Variants in ELOVL6 observed in about 807,000 individuals in gnomAD.
ELOVL6 encodes very long chain fatty acid elongase 6.
In ELOVL6, 8 loss-of-function variants were observed where a neutral mutation model predicts 31.7. The observed-to-expected ratio is 0.25, with a 90% CI of 0.15 to 0.45. The LOEUF (loss-of-function observed/expected upper bound fraction) is 0.45. Among genes scored for constraint, ELOVL6 ranks in the 20% least tolerant of loss-of-function variants. The pLI, the probability that ELOVL6 is intolerant of heterozygous loss-of-function variation, is 1.00. For missense variants in ELOVL6, 126 were observed against 326.4 expected (o/e 0.39, Z 4.73); for synonymous variants, 101 against 117.7 (o/e 0.86, Z 0.92).
chr4:110,069,823 A>G (rs1278016436), intron 2 of ELOVL6, among the ~76,000 whole-genome samples: 1 of 152,132 alleles, frequency 6.6e-6, no homozygotes, highest in African/African-American at 2.4e-5. Context: ...ATCTCATAAC[A>G]ACTGGCTCAG....
intron 1 of ELOVL6, among the ~76,000 whole-genome samples, chr4:110,166,779 C>T (rs966339644): frequency 6.6e-5 from 10 of 152,140 alleles, no homozygotes; most frequent in African/African-American, 2.4e-4. Flanking sequence ...TTTTCATCAA[C>T]CCAACTATTA....
intron 2 of ELOVL6, among the ~76,000 whole-genome samples, chr4:110,084,588 A>ATATATTTT (rs1553956261): frequency 2.7e-4 from 8 of 29,652 alleles, no homozygotes; most frequent in African/African-American, 1.5e-3. Flanking sequence ...ATATATATAT[A>ATATATTTT]TTTTTTTTTT....
chr4:110,136,227 C>T (rs138066093), intron 1 of ELOVL6, among the ~76,000 whole-genome samples: 59 of 152,220 alleles, frequency 3.9e-4, no homozygotes, highest in African/African-American at 1.3e-3. Context: ...GCCCTTGAGT[C>T]GGAAAACACC....
At chr4:110,143,188 G>A (rs6836907) in intron 1 of ELOVL6, among the ~76,000 whole-genome samples, 122,559 of 152,072 alleles carry the variant, frequency 0.81, 49,634 homozygotes, top group African/African-American at 0.88. Flanking sequence ...CTCATTTGAC[G>A]TTGCTAGTAG....
intron 1 of ELOVL6, among the ~76,000 whole-genome samples, chr4:110,116,177 C>T (rs548709790): frequency 4.1e-4 from 63 of 152,308 alleles, no homozygotes; most frequent in African/African-American, 1.2e-3. Context: ...TAATTGCATC[C>T]GCAACATGTC....
rs1240026286 is a variant in ELOVL6, at chr4:110,121,630, C to T, written c.90-16002G>A. Among the ~76,000 whole-genome samples the T allele has an allele frequency of 4.6e-5, 7 of 152,180 alleles. No individual in the cohort carries two copies. In the East Asian group the frequency reaches 9.7e-4, roughly 21 times the overall value. ...AGGAGAATGGCGTGAACCCAGGAGG[C>T]GGAGGTTGCAGTGAGCCGAGATTGC... On this transcript the variant is annotated intron_variant, in intron 1 of 3. Transcript: ENST00000302274.
intron 2 of ELOVL6, among the ~76,000 whole-genome samples, chr4:110,068,278 T>A (rs764200910): frequency 6.6e-6 from 1 of 152,346 alleles, no homozygotes; most frequent in East Asian, 1.9e-4. Flanking sequence ...TAGTATCATA[T>A]GATGATAATC....
chr4:110,086,502 A>C (rs1756267893), intron 2 of ELOVL6, among the ~76,000 whole-genome samples: 1 of 152,222 alleles, frequency 6.6e-6, no homozygotes, highest in Non-Finnish European at 1.5e-5. Context: ...TAATATTGCC[A>C]CATGAGAGTA....
At chr4:110,178,186 T>C (rs1759166811) in intron 1 of ELOVL6, among the ~76,000 whole-genome samples, 1 of 152,186 alleles carries the variant, frequency 6.6e-6, no homozygotes, top group Admixed American at 6.5e-5. Flanking sequence ...GAAATATCCA[T>C]TCTATATATT....
At chr4:110,083,864 G>A (rs983529296) in intron 2 of ELOVL6, among the ~76,000 whole-genome samples, 1 of 140,840 alleles carries the variant, frequency 7.1e-6, no homozygotes, top group Non-Finnish European at 1.6e-5. Context: ...TCCCTGAGAT[G>A]CTGTGATGGA....
chr4:110,189,480 A>G (rs1364586045), intron 1 of ELOVL6, among the ~76,000 whole-genome samples: 1 of 151,204 alleles, frequency 6.6e-6, no homozygotes, highest in Non-Finnish European at 1.5e-5. Context: ...CCAGCTACTC[A>G]GAAGGCTGAG....
chr4:110,084,559 CACAGAT>C (rs1460800380), intron 2 of ELOVL6, among the ~76,000 whole-genome samples: 1 of 56,628 alleles, frequency 1.8e-5, no homozygotes, highest in South Asian at 6.1e-4. Context: ...CACACACACA[CACAGAT>C]ATATATATAT....
chr4:110,073,706 T>A (rs1015834911), intron 2 of ELOVL6, among the ~76,000 whole-genome samples: 1 of 152,180 alleles, frequency 6.6e-6, no homozygotes. Flanking sequence ...CCGCTGCCCC[T>A]GACCTCACAG....
chr4:110,137,093 A>G (rs1033824973), intron 1 of ELOVL6, among the ~76,000 whole-genome samples: 1 of 152,214 alleles, frequency 6.6e-6, no homozygotes, highest in Non-Finnish European at 1.5e-5. Context: ...GTCAAGAAAT[A>G]TAATAAAACT....
At chr4:110,054,323 T>C (rs539352944) in intron 3 of ELOVL6, among the ~76,000 whole-genome samples, 2 of 152,312 alleles carry the variant, frequency 1.3e-5, no homozygotes, top group South Asian at 4.1e-4. Context: ...GGATCTACTT[T>C]TCAGTGTTAA....
chr4:110,094,404 A>AATATATATATAT (rs1167924305), intron 2 of ELOVL6, among the ~76,000 whole-genome samples: 15 of 55,580 alleles, frequency 2.7e-4, no homozygotes, highest in African/African-American at 4.3e-4. Flanking sequence ...CTTAAAAAGA[A>AATATATATATAT]ATATATATAT....
chr4:110,193,811 A>G (rs565275930), intron 1 of ELOVL6, among the ~76,000 whole-genome samples: 1 of 152,330 alleles, frequency 6.6e-6, no homozygotes, highest in South Asian at 2.1e-4. Context: ...GAGAAAAGTC[A>G]GAAAAATATA....
In ELOVL6 at chr4:110,047,926, G is replaced by C. The variant is rs888827288; in HGVS notation, c.*3412C>G. 4.1e-5 allele frequency: 6 copies of C among 146,438 alleles called. No homozygotes were observed. The highest frequency in any genetic ancestry group is 7.4e-5 in the Non-Finnish European group (5 of 67,128). 9.1% of individuals were successfully genotyped at this position (146,438 alleles called of 1,614,324 possible). A position where few individuals can be genotyped will look rare whatever the true frequency, so the allele number is the denominator to read the frequency against. On this transcript the variant is annotated 3_prime_UTR_variant, in exon 4 of 4. Coordinates refer to ENST00000302274, the MANE Select transcript of ELOVL6 (RefSeq NM_024090.3). ...AAAAAAAAAAAAAGAAAGACATTCT[G>C]TGGGTCTCTTTCTGTTCTTCTAGGT...
At chr4:110,114,048 C>T (rs1027015050) in intron 1 of ELOVL6, among the ~76,000 whole-genome samples, 6 of 152,020 alleles carry the variant, frequency 3.9e-5, no homozygotes, top group Admixed American at 1.3e-4. Context: ...CTCGAGACAT[C>T]GAATCCAGCC....
Sources: gnomAD v4.1 joint callset for allele counts (sites outside exome capture counted in the v4.1 genomes callset) on GRCh38, gnomAD v4.1.1 for gene constraint, MANE v1.5 for transcripts, NCBI Gene and HGNC (gene_info 2026-07-23, HGNC 2026-07-21) for gene names.